SUSD1: variants seen among roughly 807,000 people sequenced by gnomAD.
The protein encoded by SUSD1 is sushi domain containing 1, also known as sushi domain-containing protein 1.
In SUSD1, 65 loss-of-function variants were observed where a neutral mutation model predicts 86.9. The observed-to-expected ratio is 0.75, with a 90% CI of 0.61 to 0.92. The LOEUF (loss-of-function observed/expected upper bound fraction) is 0.92. Among genes scored for constraint, SUSD1 ranks in the 40% least tolerant of loss-of-function variants. The probability of loss-of-function intolerance (pLI) is 0.00; values close to 1 mark genes in which losing one functional copy is unlikely to be tolerated. For missense variants in SUSD1, 850 were observed against 929.7 expected (o/e 0.91, Z 1.11); for synonymous variants, 346 against 350.0 (o/e 0.99, Z 0.13).
chr9:112,086,025 C>T (rs779562756), intron 10 of SUSD1, among the ~76,000 whole-genome samples: 6 of 152,028 alleles, frequency 3.9e-5, no homozygotes, highest in East Asian at 1.9e-4. Context: ...CTGTTAAGGC[C>T]GGGTACAGTA....
chr9:112,104,842 G>GA (rs544417405), intron 8 of SUSD1: 3 of 152,092 alleles, frequency 2.0e-5, no homozygotes, highest in African/African-American at 2.4e-5. Flanking sequence ...GAATGGGGGG[G>GA]AAAAACTGCA....
At chr9:112,110,308 C>A (rs1276673524) in intron 8 of SUSD1, among the ~76,000 whole-genome samples, 4 of 152,116 alleles carry the variant, frequency 2.6e-5, no homozygotes, top group Non-Finnish European at 5.9e-5. Flanking sequence ...GAGATCGCAC[C>A]ACTGCACTCC....
At chr9:112,073,080 G>A (rs1027711955) in intron 12 of SUSD1, among the ~76,000 whole-genome samples, 2 of 152,236 alleles carry the variant, frequency 1.3e-5, no homozygotes, top group African/African-American at 2.4e-5. Flanking sequence ...CTTCCCTGAG[G>A]ACATCCCATT....
chr9:112,096,603 A>C (rs915974925), intron 10 of SUSD1, among the ~76,000 whole-genome samples: 2 of 152,144 alleles, frequency 1.3e-5, no homozygotes, highest in Admixed American at 6.5e-5. Context: ...GCAGTGGCGC[A>C]ATCTCGGCTC....
At chr9:112,144,196 C>T (rs1832707810) in intron 3 of SUSD1, among the ~76,000 whole-genome samples, 1 of 151,680 alleles carries the variant, frequency 6.6e-6, no homozygotes, top group African/African-American at 2.4e-5. Flanking sequence ...GCCGAGATCA[C>T]GCCACTGCAC....
chr9:112,110,512 G>A (rs1036981533), intron 8 of SUSD1, among the ~76,000 whole-genome samples: 5 of 151,506 alleles, frequency 3.3e-5, no homozygotes, highest in South Asian at 4.2e-4. Flanking sequence ...TCAGCCACCC[G>A]AGTAACTGGG....
At chr9:112,151,135 A>G (rs1188669044) in intron 2 of SUSD1, among the ~76,000 whole-genome samples, 1 of 152,166 alleles carries the variant, frequency 6.6e-6, no homozygotes, top group Non-Finnish European at 1.5e-5. Context: ...TGTAGAGATC[A>G]GCTCTCACTA....
chr9:112,169,026 T>C (rs1833932335), intron 1 of SUSD1, among the ~76,000 whole-genome samples: 1 of 152,018 alleles, frequency 6.6e-6, no homozygotes, highest in Non-Finnish European at 1.5e-5. Context: ...CTATATAAAA[T>C]TGCATTGCTC....
At chr9:112,159,122 C>T (rs1044314760) in intron 1 of SUSD1, among the ~76,000 whole-genome samples, 3 of 152,198 alleles carry the variant, frequency 2.0e-5, no homozygotes, top group Admixed American at 1.3e-4. Context: ...GAGGCTAAAA[C>T]TTCTAAAACA....
At chr9:112,124,186 TAGTTTTAGGCC>T in intron 6 of SUSD1, 60 bp downstream of exon 6, 3 of 1,458,588 alleles carry the variant, frequency 2.1e-6, no homozygotes, top group South Asian at 2.7e-5. Context: ...AGCAATCAGA[TAGTTTTAGGCC>T]CTCGGCTCCC....
intron 1 of SUSD1, among the ~76,000 whole-genome samples, chr9:112,174,546 C>T (rs1216487875): frequency 6.6e-6 from 1 of 152,192 alleles, no homozygotes; most frequent in Admixed American, 6.5e-5. Flanking sequence ...GCCCGCACTG[C>T]CCGCCCTCAT....
intron 10 of SUSD1, among the ~76,000 whole-genome samples, chr9:112,091,297 A>G (rs970680289): frequency 7.9e-5 from 12 of 152,214 alleles, no homozygotes; most frequent in Non-Finnish European, 1.6e-4. Context: ...TTATGGTCTT[A>G]ATTATCTTTT....
intron 12 of SUSD1, among the ~76,000 whole-genome samples, chr9:112,071,174 A>C (rs1255125947): frequency 1.3e-5 from 2 of 152,140 alleles, no homozygotes; most frequent in African/African-American, 4.8e-5. Flanking sequence ...AAGTGCAAAA[A>C]AGTAGGTCAG....
chr9:112,150,204 C>A (rs1428616205), intron 2 of SUSD1, among the ~76,000 whole-genome samples: 1 of 152,212 alleles, frequency 6.6e-6, no homozygotes, highest in Non-Finnish European at 1.5e-5. Context: ...ACCAGTAAAA[C>A]TCCACCTACA....
chr9:112,101,317 G>A (rs950808664), intron 9 of SUSD1, among the ~76,000 whole-genome samples: 4 of 151,854 alleles, frequency 2.6e-5, no homozygotes, highest in Admixed American at 6.6e-5. Context: ...AGCCAAGATC[G>A]CCTCCCTGCA....
At chr9:112,061,398 T>G (rs933847574) in intron 13 of SUSD1, among the ~76,000 whole-genome samples, 1 of 152,206 alleles carries the variant, frequency 6.6e-6, no homozygotes, top group African/African-American at 2.4e-5. Context: ...GGAATATGAC[T>G]GTTCTGGAAG....
intron 3 of SUSD1, among the ~76,000 whole-genome samples, chr9:112,147,808 T>C (rs1002953082): frequency 5.9e-5 from 9 of 152,108 alleles, no homozygotes; most frequent in Non-Finnish European, 8.8e-5. Flanking sequence ...GAAATGTGTA[T>C]TGAATAAACA....
chr9:112,156,063 A>G (rs1240239234), intron 2 of SUSD1, among the ~76,000 whole-genome samples: 1 of 151,798 alleles, frequency 6.6e-6, no homozygotes, highest in East Asian at 1.9e-4. Flanking sequence ...ACACTAGCTT[A>G]GCTGGGTGTG....
At chr9:112,165,037 G>A (rs965521844) in intron 1 of SUSD1, among the ~76,000 whole-genome samples, 1 of 152,232 alleles carries the variant, frequency 6.6e-6, no homozygotes, top group Non-Finnish European at 1.5e-5. Context: ...GGTCTGGGGA[G>A]GAGCCCTATA....
Sources: allele counts gnomAD v4.1 joint callset (sites outside exome capture counted in the v4.1 genomes callset), GRCh38; gene constraint gnomAD v4.1.1; transcripts MANE v1.5; gene names NCBI Gene and HGNC (gene_info 2026-07-23, HGNC 2026-07-21).